Variants in ATG14 observed in about 807,000 individuals in gnomAD.
ATG14 encodes autophagy related 14, also known as beclin 1-associated autophagy-related key regulator.
Under a neutral mutation model 60.4 loss-of-function variants are expected in ATG14, and 35 were observed. The ratio of observed to expected loss-of-function variants is 0.58; its 90% CI spans 0.44 to 0.77. The LOEUF is 0.77. Among genes scored for constraint, ATG14 ranks in the 30% least tolerant of loss-of-function variants. ATG14 has a pLI of 0.00. For missense variants in ATG14, 647 were observed against 626.3 expected (o/e 1.03, Z -0.35); for synonymous variants, 234 against 228.8 (o/e 1.02, Z -0.21).
Position 55,368,995 on chromosome 14 carries a change from G to GGT in ATG14, c.*622_*623dup. The GGT allele has an allele frequency of 1.3e-5, 2 of 152,648 alleles. No individual in the cohort carries two copies. Among genetic ancestry groups the GGT allele is most frequent in the East Asian group, 3.9e-4 (2 of 5,174 alleles). 9.5% of individuals were successfully genotyped at this position (152,648 alleles called of 1,614,324 possible). A position where few individuals can be genotyped will look rare whatever the true frequency, so the allele number is the denominator to read the frequency against. On this transcript the variant is annotated 3_prime_UTR_variant, in exon 10 of 10. Transcript: ENST00000247178. ...AAAGAAAAAGACTTTCATTTTCTTTGGTGTGTGGGGGAAAGAAAAACAGGA... is the reference window on the plus strand; with the variant it reads ...AAAGAAAAAGACTTTCATTTTCTTTGGTGTGTGTGGGGGAAAGAAAAACAGGA...
chr14:55,380,423 C>T, intron 7 of ATG14, 150 bp downstream of exon 7: 1 of 575,162 alleles, frequency 1.7e-6, no homozygotes, highest in Non-Finnish European at 3.1e-6. Context: ...GCACATAAGG[C>T]TTTTGAAATT....
chr14:55,379,890 T>C (rs1259366547), intron 7 of ATG14, among the ~76,000 whole-genome samples: 1 of 152,204 alleles, frequency 6.6e-6, no homozygotes, highest in Admixed American at 6.5e-5. Context: ...CCAGCTAGTT[T>C]TTGTATAAAT....
In ATG14 at chr14:55,367,089, T is replaced by C. The variant is rs1287526663; in HGVS notation, c.*2530A>G. 1 of 152,632 alleles carries C rather than the reference T, an allele frequency of 6.6e-6. No homozygotes were observed. The highest frequency in any genetic ancestry group is 1.5e-5 in the Non-Finnish European group (1 of 68,048). 9.5% of individuals were successfully genotyped at this position (152,632 alleles called of 1,614,324 possible). ...CCTATCCATAAAGTTCCCACATCTT[T>C]GTAAATTTTGTGGAAGTACTCTAGA... On this transcript the variant is annotated 3_prime_UTR_variant, in exon 10 of 10. Transcript: ENST00000247178.
chr14:55,410,530 C>A (rs1214992153), intron 1 of ATG14, among the ~76,000 whole-genome samples: 1 of 152,194 alleles, frequency 6.6e-6, no homozygotes, highest in Non-Finnish European at 1.5e-5. Context: ...GTTTGTCATT[C>A]AAACCTCCTC....
intron 9 of ATG14, among the ~76,000 whole-genome samples, chr14:55,375,490 AT>A (rs779634897): frequency 9.0e-4 from 106 of 117,796 alleles, no homozygotes; most frequent in South Asian, 1.4e-3. Context: ...GCCGGGCTAA[AT>A]TTTTTTTTTT....
intron 1 of ATG14, among the ~76,000 whole-genome samples, chr14:55,405,051 T>C (rs1301600621): frequency 1.3e-5 from 2 of 152,236 alleles, no homozygotes; most frequent in Non-Finnish European, 2.9e-5. Flanking sequence ...CCACATTTTC[T>C]GGTGGAAATA....
chr14:55,382,710 A>G (rs976662045), intron 5 of ATG14, among the ~76,000 whole-genome samples: 11 of 152,226 alleles, frequency 7.2e-5, no homozygotes, highest in Non-Finnish European at 1.2e-4. Context: ...AGATCAAACC[A>G]GCTGTGGCAC....
At chr14:55,371,586 C>G (rs796684650) in intron 9 of ATG14, among the ~76,000 whole-genome samples, 1 of 151,846 alleles carries the variant, frequency 6.6e-6, no homozygotes, top group Non-Finnish European at 1.5e-5. Context: ...GCGGGCAGAT[C>G]ACGAGGTCAG....
intron 5 of ATG14, among the ~76,000 whole-genome samples, chr14:55,385,056 G>A (rs1253465542): frequency 2.6e-5 from 4 of 152,222 alleles, no homozygotes; most frequent in Admixed American, 2.6e-4. Context: ...CTTGATAACA[G>A]TTATCTTAGC....
intron 1 of ATG14, among the ~76,000 whole-genome samples, chr14:55,403,746 A>G (rs1167089534): frequency 3.3e-5 from 5 of 152,182 alleles, no homozygotes; most frequent in South Asian, 4.1e-4. Context: ...GGCAGAGAAT[A>G]TGCATAGGAT....
In ATG14 at chr14:55,382,007, C is replaced by A; in HGVS notation, c.832G>T (p.Ala278Ser). 1 of 1,614,180 alleles carries A rather than the reference C, an allele frequency of 6.2e-7. No homozygotes were observed. The highest frequency in any genetic ancestry group is 8.5e-7 in the Non-Finnish European group (1 of 1,180,020). Residue 278 changes from alanine to serine, a missense_variant, in exon 6 of 10, where the codon GCC (alanine) becomes TCC (serine). Coordinates refer to ENST00000247178, the MANE Select transcript of ATG14 (RefSeq NM_014924.5). Reference protein sequence around the residue: ...ISLPNNGDYSAYYSWVEEKKT... With the variant: ...ISLPNNGDYSSYYSWVEEKKT... ...TTCTCCTCCACCCAGCTGTAGTAGG[C>A]AGAGTAGTCCCCATTGTTAGGGAGG...
chr14:55,383,368 T>C (rs1045528643), intron 5 of ATG14, among the ~76,000 whole-genome samples: 3 of 151,686 alleles, frequency 2.0e-5, no homozygotes, highest in East Asian at 1.9e-4. Context: ...CTGGCCAACA[T>C]GGTGAAATGC....
chr14:55,380,158 G>A (rs905114426), intron 7 of ATG14, among the ~76,000 whole-genome samples: 1 of 152,168 alleles, frequency 6.6e-6, no homozygotes, highest in African/African-American at 2.4e-5. Flanking sequence ...TGAGGAGGGA[G>A]GATTGCCTGA....
At chr14:55,391,152 A>G (rs1885208954) in intron 3 of ATG14, 160 bp from the exon 4 acceptor site, 1 of 550,752 alleles carries the variant, frequency 1.8e-6, no homozygotes. Flanking sequence ...TACGAAAAAG[A>G]GAACGATGTT....
In ATG14 at chr14:55,367,072, T is replaced by G. The variant is rs1023587409; in HGVS notation, c.*2547A>C. The G allele has an allele frequency of 2.6e-5, 4 of 152,634 alleles. No individual in the cohort carries two copies. Among genetic ancestry groups the G allele is most frequent in the African/African-American group, 9.7e-5 (4 of 41,450 alleles). The allele number at this position is 152,634 out of a possible 1,614,324, so 9.5% of individuals were successfully genotyped here. Reference sequence around the variant, plus strand: ...CAACAAACAAAATATATCCTATCCATAAAGTTCCCACATCTTTGTAAATTT... The same window carrying G: ...CAACAAACAAAATATATCCTATCCAGAAAGTTCCCACATCTTTGTAAATTT... On this transcript the variant is annotated 3_prime_UTR_variant, in exon 10 of 10. Transcript: ENST00000247178.
At chr14:55,396,965 A>G (rs1457034592) in intron 2 of ATG14, among the ~76,000 whole-genome samples, 1 of 152,214 alleles carries the variant, frequency 6.6e-6, no homozygotes, top group African/African-American at 2.4e-5. Flanking sequence ...CAGCTAATGA[A>G]TTCTGATACA....
At chr14:55,375,490 A>AATTTTTTTTTTTT (rs1555341540) in intron 9 of ATG14, among the ~76,000 whole-genome samples, 5 of 117,798 alleles carry the variant, frequency 4.2e-5, no homozygotes, top group South Asian at 2.8e-4. Context: ...GCCGGGCTAA[A>AATTTTTTTTTTTT]TTTTTTTTTT....
chr14:55,383,907 G>A (rs1336224363), intron 5 of ATG14, among the ~76,000 whole-genome samples: 1 of 152,232 alleles, frequency 6.6e-6, no homozygotes, highest in Non-Finnish European at 1.5e-5. Flanking sequence ...ACAGTACTGG[G>A]AAAGCAGGTA....
Position 55,385,920 on chromosome 14 carries a change from A to C in ATG14, c.586T>G (p.Ser196Ala). The change falls in exon 5 of 10, where the codon TCC becomes GCC. Residue 196 changes from serine to alanine, a missense_variant. Coordinates refer to ENST00000247178, the MANE Select transcript of ATG14 (RefSeq NM_014924.5). ...ACAGAGGTGAGCTCTAATATATGGG[A>C]TCGTCGAAGATTTGCCAGACGCTCA... ...HYERLANLRR[S>A]HILELTSVIF... The C allele has an allele frequency of 2.5e-6, 4 of 1,614,148 alleles. No individual in the cohort carries two copies. Among genetic ancestry groups the C allele is most frequent in the Non-Finnish European group, 3.4e-6 (4 of 1,180,030 alleles).
Sources: gnomAD v4.1 joint callset for allele counts (sites outside exome capture counted in the v4.1 genomes callset) on GRCh38, gnomAD v4.1.1 for gene constraint, MANE v1.5 for transcripts, NCBI Gene and HGNC (gene_info 2026-07-23, HGNC 2026-07-21) for gene names.